Variants in RGS6 observed in about 807,000 individuals in gnomAD.
RGS6 encodes the protein regulator of G-protein signaling 6.
RGS6 carries 30 observed loss-of-function variants against 78.5 expected under a neutral mutation model. The ratio of observed to expected loss-of-function variants is 0.38; its 90% CI spans 0.29 to 0.52. The LOEUF (loss-of-function observed/expected upper bound fraction) is 0.52. Among genes scored for constraint, RGS6 ranks in the 20% least tolerant of loss-of-function variants. The probability of loss-of-function intolerance (pLI) is 0.85; values close to 1 mark genes in which losing one functional copy is unlikely to be tolerated. For missense variants in RGS6, 495 were observed against 609.7 expected (o/e 0.81, Z 1.98); for synonymous variants, 206 against 206.0 (o/e 1.00, Z 0.00).
At chr14:72,415,189 C>G (rs1014179561) in intron 3 of RGS6, among the ~76,000 whole-genome samples, 3 of 152,254 alleles carry the variant, frequency 2.0e-5, no homozygotes, top group African/African-American at 7.2e-5. Context: ...GGGTTCCACC[C>G]AGTTTGAGCT....
intron 2 of RGS6, among the ~76,000 whole-genome samples, chr14:72,323,148 C>G (rs1052088030): frequency 6.6e-6 from 1 of 151,876 alleles, no homozygotes; most frequent in African/African-American, 2.4e-5. Context: ...CACAAAGAAT[C>G]ACATGGAAAA....
chr14:72,149,768 T>C (rs1255814345), intron 2 of RGS6, among the ~76,000 whole-genome samples: 1 of 152,134 alleles, frequency 6.6e-6, no homozygotes, highest in Non-Finnish European at 1.5e-5. Context: ...GTCTACAGAT[T>C]TGGGGTCATA....
intron 1 of RGS6, among the ~76,000 whole-genome samples, chr14:71,952,492 G>T (rs2092417537): frequency 6.6e-6 from 1 of 151,616 alleles, no homozygotes; most frequent in Admixed American, 6.6e-5. Context: ...TTTCTTGAGG[G>T]TTGGACTGTT....
chr14:72,170,378 G>T (rs771835456), intron 2 of RGS6, among the ~76,000 whole-genome samples: 18 of 152,174 alleles, frequency 1.2e-4, no homozygotes, highest in Non-Finnish European at 2.2e-4. Flanking sequence ...TATATGCTCT[G>T]TAAATGTTCC....
the RGS6 span, among the ~76,000 whole-genome samples, chr14:71,918,110 G>A: frequency 6.9e-6 from 1 of 145,692 alleles, no homozygotes; most frequent in Non-Finnish European, 1.5e-5. Flanking sequence ...GAACCCGGGG[G>A]GCGGAGCTTG....
At chr14:71,973,372 T>C (rs2093928085) in intron 2 of RGS6, among the ~76,000 whole-genome samples, 2 of 146,576 alleles carry the variant, frequency 1.4e-5, no homozygotes, top group African/African-American at 2.5e-5. Flanking sequence ...TTTTCACTCT[T>C]TTTTTTTTTT....
chr14:72,225,430 C>A (rs2047901843), intron 2 of RGS6, among the ~76,000 whole-genome samples: 1 of 152,138 alleles, frequency 6.6e-6, no homozygotes, highest in Non-Finnish European at 1.5e-5. Context: ...CTCAGGTGAT[C>A]CTCCTACCTC....
the RGS6 span, among the ~76,000 whole-genome samples, chr14:72,587,192 T>C: frequency 6.6e-6 from 1 of 152,260 alleles, no homozygotes; most frequent in Admixed American, 6.5e-5. Context: ...CAAGCCCCTC[T>C]AGCATGCCTT....
At chr14:72,410,538 G>A (rs2093330705) in intron 3 of RGS6, among the ~76,000 whole-genome samples, 2 of 152,160 alleles carry the variant, frequency 1.3e-5, no homozygotes, top group African/African-American at 4.8e-5. Flanking sequence ...CTCTGATGGT[G>A]GTTTCTTTTG....
intron 2 of RGS6, among the ~76,000 whole-genome samples, chr14:72,289,830 A>C (rs144270945): frequency 1.1e-4 from 16 of 152,336 alleles, no homozygotes; most frequent in African/African-American, 3.8e-4. Context: ...TGACTTTATA[A>C]ACTAAGAAAA....
intron 2 of RGS6, among the ~76,000 whole-genome samples, chr14:72,113,086 G>GCACACACGCATGCACACACATGCACA (rs57903376): frequency 1.3e-5 from 2 of 151,338 alleles, no homozygotes; most frequent in Non-Finnish European, 2.9e-5. Context: ...ACGCATGCAC[G>GCACACACGCATGCACACACATGCACA]CATGCATGCA....
chr14:72,226,177 C>G (rs2048085233), intron 2 of RGS6, among the ~76,000 whole-genome samples: 1 of 152,186 alleles, frequency 6.6e-6, no homozygotes. Context: ...CAACCTCAGT[C>G]TCTGAAATTT....
intron 2 of RGS6, among the ~76,000 whole-genome samples, chr14:71,984,923 C>A (rs2094627781): frequency 6.6e-6 from 1 of 152,018 alleles, no homozygotes; most frequent in African/African-American, 2.4e-5. Flanking sequence ...GAGAAAAAAT[C>A]TCACATATTC....
intron 2 of RGS6, among the ~76,000 whole-genome samples, chr14:72,202,752 A>T (rs747508727): frequency 2.0e-5 from 3 of 152,106 alleles, no homozygotes; most frequent in Middle Eastern, 3.4e-3. Context: ...GAGGGCAGGC[A>T]CGTGTTAAAA....
intron 3 of RGS6, among the ~76,000 whole-genome samples, chr14:72,443,327 G>T (rs1452174341): frequency 1.3e-5 from 2 of 152,234 alleles, no homozygotes; most frequent in Non-Finnish European, 2.9e-5. Flanking sequence ...TCAAGAACTT[G>T]TATGTCCCAG....
At chr14:72,171,159 C>T (rs546439190) in intron 2 of RGS6, among the ~76,000 whole-genome samples, 2 of 151,384 alleles carry the variant, frequency 1.3e-5, no homozygotes, top group East Asian at 3.9e-4. Flanking sequence ...CACATACATG[C>T]ACACGTGCTG....
intron 2 of RGS6, among the ~76,000 whole-genome samples, chr14:72,073,295 G>A (rs2094469122): frequency 6.6e-6 from 1 of 152,106 alleles, no homozygotes; most frequent in African/African-American, 2.4e-5. Context: ...TAACAAAACC[G>A]GTATTACCAT....
the RGS6 span, among the ~76,000 whole-genome samples, chr14:72,613,847 G>C: frequency 6.6e-6 from 1 of 152,212 alleles, no homozygotes; most frequent in African/African-American, 2.4e-5. Flanking sequence ...CGCACAGCCA[G>C]GCCTCCCCGG....
chr14:72,277,731 C>T (rs1879289), intron 2 of RGS6, among the ~76,000 whole-genome samples: 85,043 of 151,850 alleles, frequency 0.56, 24,763 homozygotes, highest in Non-Finnish European at 0.64. Context: ...TGTTTGAGAC[C>T]AGCCTGGTCG....
Sources: allele counts gnomAD v4.1 joint callset (sites outside exome capture counted in the v4.1 genomes callset), GRCh38; gene constraint gnomAD v4.1.1; transcripts MANE v1.5; gene names NCBI Gene and HGNC (gene_info 2026-07-23, HGNC 2026-07-21).